The following ANO6 variants were observed in gnomAD, a reference collection of about 807,000 sequenced individuals.
ANO6 encodes anoctamin-6.
A neutral mutation model predicts 117.5 loss-of-function variants in ANO6; 106 were observed. The observed-to-expected ratio is 0.90, with a 90% CI of 0.77 to 1.06. ANO6 has a LOEUF of 1.06. Among genes scored for constraint, ANO6 ranks in the 50% least tolerant of loss-of-function variants. ANO6 has a pLI of 0.00. For missense variants in ANO6, 955 were observed against 1,121.1 expected (o/e 0.85, Z 2.12); for synonymous variants, 367 against 385.1 (o/e 0.95, Z 0.55).
Position 45,432,183 on chromosome 12 carries a change from CTAT to C in ANO6, c.*2874_*2876del. ...TATGAGCAGCTTAACTGAAGTAGAA[CTAT>C]TCATGATGCTTTTCACACATTGTGG... On this transcript the variant is annotated 3_prime_UTR_variant, in exon 20 of 20. Transcript: ENST00000320560. 1.0e-6 allele frequency: 1 copy of C among 985,008 alleles called. No individual in the cohort carries two copies. Among genetic ancestry groups the C allele is most frequent in the Non-Finnish European group, 1.2e-6 (1 of 829,648 alleles). The allele number at this position is 985,008 out of a possible 1,614,324, so 61.0% of individuals were successfully genotyped here. A position where few individuals can be genotyped will look rare whatever the true frequency, so the allele number is the denominator to read the frequency against.
In ANO6 at chr12:45,430,463, C is replaced by T; in HGVS notation, c.*1152C>T. ...AGTGATCAACACACCAAAGTCTCTG[C>T]CATAAAGAATGTGGCTTCCTTGCAT... On this transcript the variant is annotated 3_prime_UTR_variant, in exon 20 of 20. Transcript: ENST00000320560. 1 of 985,404 alleles carries T rather than the reference C, an allele frequency of 1.0e-6. No individual in the cohort carries two copies. The highest frequency in any genetic ancestry group is 1.7e-5 in the African/African-American group (1 of 57,350). The allele number at this position is 985,404 out of a possible 1,614,324, so 61.0% of individuals were successfully genotyped here. A position where few individuals can be genotyped will look rare whatever the true frequency, so the allele number is the denominator to read the frequency against.
chr12:45,223,507 A>G (rs1462653729), intron 1 of ANO6, among the ~76,000 whole-genome samples: 1 of 152,132 alleles, frequency 6.6e-6, no homozygotes, highest in Non-Finnish European at 1.5e-5. Flanking sequence ...CTCCCCTCCC[A>G]AGTCTGTCAC....
intron 12 of ANO6, among the ~76,000 whole-genome samples, chr12:45,395,495 G>A (rs1299631611): frequency 6.6e-6 from 1 of 152,154 alleles, no homozygotes; most frequent in African/African-American, 2.4e-5. Context: ...ATTTTATGAG[G>A]CCAGCATCAT....
chr12:45,363,317 A>G (rs977978166), intron 8 of ANO6, among the ~76,000 whole-genome samples: 3 of 152,084 alleles, frequency 2.0e-5, no homozygotes, highest in African/African-American at 7.2e-5. Context: ...TAATCCCACA[A>G]CTTTTGGGAG....
At chr12:45,317,132 T>TATATATATATATATATATA (rs201070310) in intron 2 of ANO6, among the ~76,000 whole-genome samples, 1 of 107,280 alleles carries the variant, frequency 9.3e-6, no homozygotes, top group African/African-American at 3.0e-5. Context: ...TATATATATA[T>TATATATATATATATATATA]TTATTATACT....
At chr12:45,414,379 G>C (rs1461307294) in intron 16 of ANO6, among the ~76,000 whole-genome samples, 1 of 151,802 alleles carries the variant, frequency 6.6e-6, no homozygotes, top group Non-Finnish European at 1.5e-5. Context: ...GCTTTTTCTG[G>C]TGTTTTATTT....
downstream of ANO6, among the ~76,000 whole-genome samples, chr12:45,433,715 G>A (rs1220416906): frequency 5.3e-5 from 8 of 152,162 alleles, no homozygotes; most frequent in Non-Finnish European, 1.0e-4. Flanking sequence ...TAAGATTCAA[G>A]GAGTTTGATA....
At chr12:45,391,544 T>C (rs1294423635) in intron 12 of ANO6, among the ~76,000 whole-genome samples, 1 of 152,084 alleles carries the variant, frequency 6.6e-6, no homozygotes. Context: ...CTTTAAACCA[T>C]ATACTATAAT....
chr12:45,372,005 GA>G (rs1941854010), intron 9 of ANO6, among the ~76,000 whole-genome samples: 1 of 152,014 alleles, frequency 6.6e-6, no homozygotes, highest in South Asian at 2.1e-4. Context: ...CCAATACAGA[GA>G]AGTGCTTAAA....
intron 1 of ANO6, among the ~76,000 whole-genome samples, chr12:45,300,208 A>C (rs924461117): frequency 6.6e-6 from 1 of 152,156 alleles, no homozygotes; most frequent in African/African-American, 2.4e-5. Context: ...TTGAGACAGA[A>C]TCTTGCTCTG....
intron 1 of ANO6, among the ~76,000 whole-genome samples, chr12:45,233,021 A>G (rs1010606193): frequency 6.6e-6 from 1 of 152,186 alleles, no homozygotes; most frequent in East Asian, 1.9e-4. Flanking sequence ...GCAGGGAGCT[A>G]GAAGCCAACG....
intron 1 of ANO6, among the ~76,000 whole-genome samples, chr12:45,258,624 A>T (rs1248546502): frequency 6.6e-6 from 1 of 151,966 alleles, no homozygotes; most frequent in Non-Finnish European, 1.5e-5. Flanking sequence ...GTACACTGTG[A>T]TTCTGCTGCA....
At position 45,367,702 on chromosome 12, in the gene ANO6, A is replaced by G. The variant is rs970330630; in HGVS notation, c.1013A>G (p.His338Arg). The change falls in exon 9 of 20, where the codon CAT becomes CGT. Residue 338 changes from histidine (H) to arginine (R), a missense_variant. Physicochemically the swap from His to Arg is conservative, Grantham distance 29. Transcript: ENST00000320560. ...DNCTWSKEVC[H>R]PDIGGKIIMC... ...TCTCTTTTTAGCAAAGAAGTTTGTC[A>G]TCCTGATATTGGTGGCAAGATCATA... 5 of 1,612,944 alleles carry G rather than the reference A, an allele frequency of 3.1e-6. No individual in the cohort carries two copies. Among genetic ancestry groups the G allele is most frequent in the African/African-American group, 1.3e-5 (1 of 74,916 alleles).
intron 1 of ANO6, among the ~76,000 whole-genome samples, chr12:45,223,717 C>G (rs1860277097): frequency 2.6e-5 from 4 of 152,110 alleles, no homozygotes; most frequent in African/African-American, 9.7e-5. Flanking sequence ...AGAGATCATG[C>G]AAAATATCTT....
chr12:45,351,414 C>T lies in ANO6; in HGVS notation c.863+640C>T, dbSNP rs144633342. Among the ~76,000 whole-genome samples, 551 of 152,296 alleles carry T rather than the reference C, an allele frequency of 3.6e-3. 3 individuals carry two copies. The highest frequency in any genetic ancestry group is 0.012 in the African/African-American group (518 of 41,552). On this transcript the variant is annotated intron_variant, in intron 7 of 19. Coordinates refer to ENST00000320560, the MANE Select transcript of ANO6 (RefSeq NM_001025356.3). ...CCCAAGGTACCCTGTTGGTTTTCCTCCAGAAGCTTACGTTGTTTGGGCAGG... is the reference window on the plus strand; with the variant it reads ...CCCAAGGTACCCTGTTGGTTTTCCTTCAGAAGCTTACGTTGTTTGGGCAGG...
At chr12:45,286,023 A>G (rs1938903519) in intron 1 of ANO6, among the ~76,000 whole-genome samples, 1 of 152,194 alleles carries the variant, frequency 6.6e-6, no homozygotes, top group Admixed American at 6.5e-5. Context: ...TGATCTGGAT[A>G]TCCTGCTTCT....
chr12:45,229,663 C>T (rs1283099526), intron 1 of ANO6, among the ~76,000 whole-genome samples: 2 of 152,188 alleles, frequency 1.3e-5, no homozygotes, highest in African/African-American at 2.4e-5. Context: ...GCTGGGATTA[C>T]AGGCGTGAGC....
At chr12:45,361,913 A>G (rs933439376) in intron 8 of ANO6, among the ~76,000 whole-genome samples, 10 of 151,840 alleles carry the variant, frequency 6.6e-5, no homozygotes, top group African/African-American at 2.4e-4. Context: ...TTTATTGAAG[A>G]TTTTTCCATC....
intron 2 of ANO6, among the ~76,000 whole-genome samples, chr12:45,330,829 A>G (rs567225126): frequency 4.6e-5 from 7 of 152,186 alleles, no homozygotes; most frequent in African/African-American, 1.2e-4. Flanking sequence ...GCGGTGAAGT[A>G]AGTCCAAAAA....
Sources: allele counts gnomAD v4.1 joint callset (sites outside exome capture counted in the v4.1 genomes callset), GRCh38; gene constraint gnomAD v4.1.1; transcripts MANE v1.5; gene names NCBI Gene and HGNC (gene_info 2026-07-23, HGNC 2026-07-21).